Variants in CLSTN3 observed in about 807,000 individuals in gnomAD.
CLSTN3 encodes the protein calsyntenin 3.
CLSTN3 carries 36 observed loss-of-function variants against 95.9 expected under a neutral mutation model. That is an observed-to-expected ratio of 0.38 (90% confidence interval 0.29 to 0.50). The LOEUF is 0.50. Among genes scored for constraint, CLSTN3 ranks in the 20% least tolerant of loss-of-function variants. The pLI, the probability that CLSTN3 is intolerant of heterozygous loss-of-function variation, is 0.95. For missense variants in CLSTN3, 1,084 were observed against 1,268.8 expected, an observed-to-expected ratio of 0.85 and a Z score of 2.21; for synonymous variants, 481 against 504.0, an observed-to-expected ratio of 0.95 and a Z score of 0.61.
intron 8 of CLSTN3, 99 bp downstream of exon 8, chr12:7,138,166 C>G (rs1939463314): frequency 1.3e-6 from 1 of 774,744 alleles, no homozygotes; most frequent in Non-Finnish European, 2.1e-6. Context: ...TGGGTTCCCC[C>G]TTGCCCTCTC....
rs1939697415 is a variant in CLSTN3, at chr12:7,150,081, A to G, written c.2245+388A>G. On this transcript the variant is annotated intron_variant, in intron 14 of 17. Transcript: ENST00000266546. This position sits in a 1 kb window ranked among gnomAD's most constrained non-coding sequence, Gnocchi z 4.0. The stretch of plus-strand genomic sequence containing the variant: ...CATCTCACGTGCACACCAGAGCTTT[A>G]CAAGAAGTACTCATCTCTTAGTGAA... 2.0e-5 allele frequency among the ~76,000 whole-genome samples: 3 copies of G among 152,174 alleles called. No homozygotes were observed. The highest frequency in any genetic ancestry group is 2.0e-4 in the Admixed American group (3 of 15,288).
At chr12:7,145,294 T>C (rs1260918275) in intron 12 of CLSTN3, among the ~76,000 whole-genome samples, 3 of 152,130 alleles carry the variant, frequency 2.0e-5, no homozygotes, top group African/African-American at 7.2e-5. Context: ...GGTTACTACA[T>C]GGTTGGTGCT....
In CLSTN3 at chr12:7,148,975, C is replaced by A; in HGVS notation, c.1851C>A (p.Cys617Ter). The change falls in exon 13 of 18, where the codon TGC becomes TGA. Residue 617 changes from cysteine to a stop codon, truncating the protein, a stop_gained. Coordinates refer to ENST00000266546, the MANE Select transcript of CLSTN3 (RefSeq NM_014718.4). LOFTEE classifies it high-confidence loss of function. Reference protein sequence around the residue: ...RPLRLTTAVKCFSEESCVSIP... With the variant: ...RPLRLTTAVK Reference sequence around the variant, plus strand: ...CTTCTCCTGCTTTCTTACATAGGTGCTTCAGCGAAGAGTCCTGCGTCTCCA... The same window carrying A: ...CTTCTCCTGCTTTCTTACATAGGTGATTCAGCGAAGAGTCCTGCGTCTCCA... 1 of 1,613,898 alleles carries A rather than the reference C, an allele frequency of 6.2e-7. No homozygotes were observed. Among genetic ancestry groups the A allele is most frequent in the East Asian group, 2.2e-5 (1 of 44,884 alleles).
At chr12:7,151,519 C>CTATTACATGTAAAAT (rs1292176547) in intron 16 of CLSTN3, among the ~76,000 whole-genome samples, 9 of 152,158 alleles carry the variant, frequency 5.9e-5, no homozygotes. Context: ...AGAATTGGTA[C>CTATTACATGTAAAAT]TATTACATGT....
upstream of CLSTN3, chr12:7,130,093 GCTGACGTCTCT>G (rs1367950925): frequency 2.5e-5 from 5 of 198,128 alleles, no homozygotes; most frequent in African/African-American, 4.8e-5. Context: ...CTCAGGTCCC[GCTGACGTCTCT>G]CTTCCCCACC....
rs144078453 is a variant in CLSTN3 at position 7,149,041 on chromosome 12, C to A, written c.1917C>A (p.Asp639Glu). The A allele has an allele frequency of 2.5e-6, 4 of 1,614,178 alleles. No individual in the cohort carries two copies. The South Asian group carries it at 4.4e-5, about 18-fold the overall frequency. ...GCTACGTGGTCGTCCTTCAGCCTGA[C>A]GCCCCCCAGATCCTGCTGAGTGGCA... ...VEGYVVVLQP[D>E]APQILLSGTA... Residue 639 changes from aspartate to glutamate, a missense_variant, in exon 13 of 18, where the codon GAC (aspartate) becomes GAA (glutamate). Asp to Glu is a conservative substitution (Grantham distance 45, BLOSUM62 2). Coordinates refer to ENST00000266546, the MANE Select transcript of CLSTN3 (RefSeq NM_014718.4). The surrounding 1 kb of genome is among the most constrained non-coding windows in gnomAD (Gnocchi z 4.5).
At chr12:7,130,258 C>G (rs1363736182), upstream of CLSTN3, 1 of 539,782 alleles carries the variant, frequency 1.9e-6, no homozygotes, top group Non-Finnish European at 2.8e-6. Context: ...TCTCCAGCCC[C>G]GACGCCCCAG....
Position 7,133,281 on chromosome 12 carries a change from G to A in CLSTN3, c.187+135G>A. ...AAGATAAAAGTGGGCTCAAGGAGGG[G>A]AATGGTCTCCACTGAAGAATGGAGA... is the stretch of plus-strand genomic sequence containing the variant. On this transcript the variant is annotated intron_variant, in intron 2 of 17. Coordinates refer to ENST00000266546, the MANE Select transcript of CLSTN3 (RefSeq NM_014718.4). This position sits in a 1 kb window ranked among gnomAD's most constrained non-coding sequence, Gnocchi z 4.7. The A allele has an allele frequency of 1.7e-6, 2 of 1,187,120 alleles. No individual in the cohort carries two copies. Among genetic ancestry groups the A allele is most frequent in the East Asian group, 2.5e-5 (1 of 40,182 alleles). The allele number at this position is 1,187,120 out of a possible 1,614,324, so 73.5% of individuals were successfully genotyped here. A position where few individuals can be genotyped will look rare whatever the true frequency, so the allele number is the denominator to read the frequency against.
At chr12:7,139,463 G>A (rs1039986953) in intron 8 of CLSTN3, among the ~76,000 whole-genome samples, 4 of 152,118 alleles carry the variant, frequency 2.6e-5, no homozygotes, top group African/African-American at 9.7e-5. Context: ...GGGCCAGTGC[G>A]GTTGGAGTAC....
chr12:7,138,162 C>A, intron 8 of CLSTN3, 95 bp downstream of exon 8: 1 of 821,842 alleles, frequency 1.2e-6, no homozygotes, highest in Non-Finnish European at 2.0e-6. Flanking sequence ...TTTCTGGGTT[C>A]CCCCTTGCCC....
chr12:7,148,632 G>GTCAGT (rs1386805087), intron 12 of CLSTN3, among the ~76,000 whole-genome samples: 3 of 152,322 alleles, frequency 2.0e-5, no homozygotes, highest in South Asian at 4.1e-4. Flanking sequence ...ATACCTGTTT[G>GTCAGT]TCAGTTCAGT....
chr12:7,138,203 C>T (rs1939463594), intron 8 of CLSTN3, 136 bp downstream of exon 8: 1 of 583,152 alleles, frequency 1.7e-6, no homozygotes, highest in South Asian at 2.1e-5. Context: ...CAGCCCCTGA[C>T]CATTCTACTC....
chr12:7,156,625 T>C (rs1370690116), intron 16 of CLSTN3: 3 of 456,680 alleles, frequency 6.6e-6, no homozygotes, highest in Non-Finnish European at 1.3e-5. Flanking sequence ...TGGCAACCTT[T>C]GTGCAGCTGT....
At chr12:7,129,830 G>T (rs924518793), upstream of CLSTN3, 1 of 985,430 alleles carries the variant, frequency 1.0e-6, no homozygotes, top group Non-Finnish European at 1.2e-6. The surrounding 1 kb of genome is among the most constrained non-coding windows in gnomAD (Gnocchi z 5.5). Context: ...CCCGACAGGT[G>T]CGTGCGCGAG....
chr12:7,158,889 T>C lies in CLSTN3; in HGVS notation c.*808T>C, dbSNP rs1187339988. On this transcript the variant is annotated 3_prime_UTR_variant, in exon 18 of 18. Transcript: ENST00000266546. The stretch of plus-strand genomic sequence containing the variant: ...GGCAGGGGCGGGGGGTTGGGTGTGG[T>C]GAGGGAGGGGACATATCCTAGGGTT... The C allele has an allele frequency of 8.6e-6, 1 of 116,270 alleles. No homozygotes were observed. The highest frequency in any genetic ancestry group is 2.6e-4 in the South Asian group (1 of 3,776). 7.2% of individuals were successfully genotyped at this position (116,270 alleles called of 1,614,324 possible). A position where few individuals can be genotyped will look rare whatever the true frequency, so the allele number is the denominator to read the frequency against.
At chr12:7,129,575 A>C (rs1939239420), upstream of CLSTN3, 38 of 976,884 alleles carry the variant, frequency 3.9e-5, no homozygotes, top group Non-Finnish European at 4.5e-5. This position sits in a 1 kb window ranked among gnomAD's most constrained non-coding sequence, Gnocchi z 5.5. Flanking sequence ...TCTCCCTCTG[A>C]GTCATCGATG....
In CLSTN3 at chr12:7,133,221, G is replaced by A; in HGVS notation, c.187+75G>A. The A allele has an allele frequency of 1.9e-6, 2 of 1,045,922 alleles. No individual in the cohort carries two copies. Among genetic ancestry groups the A allele is most frequent in the South Asian group, 2.6e-5 (2 of 77,760 alleles). The allele number at this position is 1,045,922 out of a possible 1,614,324, so 64.8% of individuals were successfully genotyped here. A position where few individuals can be genotyped will look rare whatever the true frequency, so the allele number is the denominator to read the frequency against. ...GTGGGAGGGCCAAGAGCAAGGGAGG[G>A]AGGGAAGGTCCTGGGAGTGATGAGA... On this transcript the variant is annotated intron_variant, in intron 2 of 17. Coordinates refer to ENST00000266546, the MANE Select transcript of CLSTN3 (RefSeq NM_014718.4). The surrounding 1 kb of genome is among the most constrained non-coding windows in gnomAD (Gnocchi z 4.7).
chr12:7,129,693 T>G, upstream of CLSTN3: 1 of 985,518 alleles, frequency 1.0e-6, no homozygotes, highest in South Asian at 4.7e-5. This position sits in a 1 kb window ranked among gnomAD's most constrained non-coding sequence, Gnocchi z 5.5. Flanking sequence ...CGCCCCCAGC[T>G]GCCCAATTCT....
At chr12:7,142,379 CT>C (rs534967173) in intron 10 of CLSTN3, among the ~76,000 whole-genome samples, 14 of 152,206 alleles carry the variant, frequency 9.2e-5, no homozygotes, top group Non-Finnish European at 1.8e-4. Flanking sequence ...CTCTTGGTGG[CT>C]TTCCACATGG....
Sources: gnomAD v4.1 joint callset for allele counts (sites outside exome capture counted in the v4.1 genomes callset) on GRCh38, gnomAD v4.1.1 for gene constraint, Gnocchi (gnomAD v3.1) non-coding constraint, MANE v1.5 for transcripts, NCBI Gene and HGNC (gene_info 2026-07-23, HGNC 2026-07-21) for gene names.